The following NXPH1 variants were observed in gnomAD, a reference collection of about 807,000 sequenced individuals.
The protein encoded by NXPH1 is neurexophilin-1.
NXPH1 carries 5 observed loss-of-function variants against 23.7 expected under a neutral mutation model. That is an observed-to-expected ratio of 0.21 (90% CI 0.11 to 0.44). The LOEUF (loss-of-function observed/expected upper bound fraction) is 0.44, where lower values mean the gene tolerates loss of function less well. Among genes scored for constraint, NXPH1 ranks in the 20% least tolerant of loss-of-function variants. The pLI, the probability that NXPH1 is intolerant of heterozygous loss-of-function variation, is 0.99. For missense variants in NXPH1, 324 were observed against 321.6 expected, an observed-to-expected ratio of 1.01 and a Z score of -0.06; for synonymous variants, 144 against 122.2, an observed-to-expected ratio of 1.18 and a Z score of -1.18.
chr7:8,660,528 G>A (rs182222624), intron 2 of NXPH1, among the ~76,000 whole-genome samples: 32 of 152,304 alleles, frequency 2.1e-4, no homozygotes, highest in Non-Finnish European at 2.8e-4. Context: ...TGCCAAACTT[G>A]TTGAAGTTTT....
intron 2 of NXPH1, among the ~76,000 whole-genome samples, chr7:8,547,795 T>G (rs55916557): frequency 0.11 from 17,008 of 151,502 alleles, 1,223 homozygotes; most frequent in African/African-American, 0.21. Flanking sequence ...CATAATGACC[T>G]CCACCTCCAT....
intron 2 of NXPH1, among the ~76,000 whole-genome samples, chr7:8,586,474 T>A (rs1419746623): frequency 6.6e-6 from 1 of 152,052 alleles, no homozygotes; most frequent in Non-Finnish European, 1.5e-5. Flanking sequence ...ATGAGGACCC[T>A]GAATACTGTG....
At chr7:8,476,562 A>G (rs572257799) in intron 2 of NXPH1, among the ~76,000 whole-genome samples, 217 of 151,110 alleles carry the variant, frequency 1.4e-3, no homozygotes, top group Non-Finnish European at 2.8e-3. Flanking sequence ...GTGTTCTTTG[A>G]TATATAGGTG....
In NXPH1 at chr7:8,506,728, T is replaced by A. The variant is rs529658263; in HGVS notation, c.54+70961T>A. 4.6e-5 allele frequency among the ~76,000 whole-genome samples: 7 copies of A among 152,120 alleles called. No individual in the cohort carries two copies. The East Asian group carries it at 1.4e-3, about 30-fold the overall frequency. On this transcript the variant is annotated intron_variant, in intron 2 of 2. Coordinates refer to ENST00000405863, the MANE Select transcript of NXPH1 (RefSeq NM_152745.3). ...AGCTAACAGATTAACTGGCATTAATTAGGCAAGGAGATGGTGGTGCTAGCA... is the reference window on the plus strand; with the variant it reads ...AGCTAACAGATTAACTGGCATTAATAAGGCAAGGAGATGGTGGTGCTAGCA...
At chr7:8,591,749 T>G (rs1819098565) in intron 2 of NXPH1, among the ~76,000 whole-genome samples, 1 of 151,998 alleles carries the variant, frequency 6.6e-6, no homozygotes. Flanking sequence ...ACACAAAATA[T>G]TTTTGTTGCT....
chr7:8,650,507 A>T (rs1007824891), intron 2 of NXPH1, among the ~76,000 whole-genome samples: 11 of 152,216 alleles, frequency 7.2e-5, no homozygotes, highest in African/African-American at 2.7e-4. Flanking sequence ...TAGTTTATAC[A>T]TTTCAGTTTT....
intron 2 of NXPH1, among the ~76,000 whole-genome samples, chr7:8,695,470 T>G (rs981283468): frequency 4.6e-5 from 7 of 152,244 alleles, no homozygotes; most frequent in Admixed American, 3.3e-4. Context: ...AAGTCACAAT[T>G]TACTGCAATC....
intron 2 of NXPH1, among the ~76,000 whole-genome samples, chr7:8,598,071 A>G (rs549965511): frequency 6.6e-6 from 1 of 152,204 alleles, no homozygotes; most frequent in South Asian, 2.1e-4. Flanking sequence ...TCCTTGATGG[A>G]GTTAAAGGCA....
At chr7:8,584,509 G>T (rs144193779) in intron 2 of NXPH1, among the ~76,000 whole-genome samples, 1,896 of 152,204 alleles carry the variant, frequency 0.012, 33 homozygotes, top group Non-Finnish European at 0.011. Context: ...CCTTTAAGAG[G>T]TCAAGATCTA....
chr7:8,505,174 A>G (rs1458895181), intron 2 of NXPH1, among the ~76,000 whole-genome samples: 1 of 152,058 alleles, frequency 6.6e-6, no homozygotes, highest in Non-Finnish European at 1.5e-5. Flanking sequence ...AGTGAATGCC[A>G]GGTCTCTGAC....
chr7:8,662,205 TAC>T (rs934480231), intron 2 of NXPH1, among the ~76,000 whole-genome samples: 1 of 149,910 alleles, frequency 6.7e-6, no homozygotes, highest in East Asian at 2.0e-4. Flanking sequence ...CATATATATA[TAC>T]ACACACATGT....
At chr7:8,437,678 C>A (rs1209504820) in intron 2 of NXPH1, among the ~76,000 whole-genome samples, 1 of 152,252 alleles carries the variant, frequency 6.6e-6, no homozygotes, top group Non-Finnish European at 1.5e-5. Flanking sequence ...CCACTCATTA[C>A]AACAACAGTG....
intron 2 of NXPH1, among the ~76,000 whole-genome samples, chr7:8,659,000 T>TGGAGATA (rs1199930253): frequency 1.4e-5 from 1 of 73,730 alleles, no homozygotes. Context: ...TATATATATA[T>TGGAGATA]ATATATTTTT....
chr7:8,497,876 C>T (rs1817364881), intron 2 of NXPH1, among the ~76,000 whole-genome samples: 1 of 152,190 alleles, frequency 6.6e-6, no homozygotes, highest in East Asian at 1.9e-4. Context: ...AATTAGATCC[C>T]ATTTGTCAAT....
chr7:8,732,190 A>C (rs7806820), intron 2 of NXPH1, among the ~76,000 whole-genome samples: 42,441 of 152,198 alleles, frequency 0.28, 6,622 homozygotes, highest in East Asian at 0.5. Context: ...ATGCCTCGCC[A>C]TGCTTCGGCT....
chr7:8,436,780 C>T (rs1471658294), intron 2 of NXPH1, among the ~76,000 whole-genome samples: 1 of 152,158 alleles, frequency 6.6e-6, no homozygotes, highest in Non-Finnish European at 1.5e-5. Flanking sequence ...GCAGCCCGAA[C>T]TCTCTGATGG....
chr7:8,436,286 T>G (rs1441187617), intron 2 of NXPH1, among the ~76,000 whole-genome samples: 1 of 152,152 alleles, frequency 6.6e-6, no homozygotes, highest in Non-Finnish European at 1.5e-5. Flanking sequence ...AGGATAAGTT[T>G]AACTATCAGG....
chr7:8,516,832 C>G (rs1015414465), intron 2 of NXPH1, among the ~76,000 whole-genome samples: 1 of 152,064 alleles, frequency 6.6e-6, no homozygotes, highest in Non-Finnish European at 1.5e-5. Flanking sequence ...TCATGAACGA[C>G]TATAGAGAGA....
intron 2 of NXPH1, among the ~76,000 whole-genome samples, chr7:8,684,748 C>A (rs1227073705): frequency 6.6e-6 from 1 of 152,026 alleles, no homozygotes; most frequent in South Asian, 2.1e-4. Context: ...GTCCAATGTC[C>A]CCTGTGCTAT....
Sources: allele counts gnomAD v4.1 joint callset (sites outside exome capture counted in the v4.1 genomes callset), GRCh38; gene constraint gnomAD v4.1.1; transcripts MANE v1.5; gene names NCBI Gene and HGNC (gene_info 2026-07-23, HGNC 2026-07-21).